Variants in KCNB2 observed in about 807,000 individuals in gnomAD.
The protein encoded by KCNB2 is delayed rectifier potassium channel protein.
KCNB2 carries 15 observed loss-of-function variants against 61.5 expected under a neutral mutation model. That is an observed-to-expected ratio of 0.24 (90% CI 0.16 to 0.38). KCNB2 has a LOEUF of 0.38. KCNB2 is among the 10% of genes least tolerant of loss of function. KCNB2 has a pLI of 1.00. For synonymous variants in KCNB2, 457 were observed against 446.0 expected (o/e 1.02, Z -0.31); for missense variants, 828 against 1,125.2 (o/e 0.74, Z 3.78).
chr8:72,823,960 C>T (rs964429782), intron 2 of KCNB2, among the ~76,000 whole-genome samples: 5 of 152,112 alleles, frequency 3.3e-5, no homozygotes, highest in Admixed American at 1.3e-4. Flanking sequence ...CTGGTATACC[C>T]AACAAGCATG....
At chr8:72,753,756 G>A (rs1169474707) in intron 2 of KCNB2, among the ~76,000 whole-genome samples, 1 of 152,156 alleles carries the variant, frequency 6.6e-6, no homozygotes, top group African/African-American at 2.4e-5. Flanking sequence ...CTGCAGAATA[G>A]CAATCATGAT....
intron 1 of KCNB2, among the ~76,000 whole-genome samples, chr8:72,566,250 A>G (rs1806623630): frequency 6.6e-6 from 1 of 152,220 alleles, no homozygotes; most frequent in South Asian, 2.1e-4. Flanking sequence ...GACTTCAAAA[A>G]TAAAATTCCA....
chr8:72,867,081 TAGG>T (rs1805532679), intron 2 of KCNB2, among the ~76,000 whole-genome samples: 1 of 152,172 alleles, frequency 6.6e-6, no homozygotes, highest in Non-Finnish European at 1.5e-5. Flanking sequence ...TGGCATATAG[TAGG>T]AGTTTAATAA....
chr8:72,599,958 G>A lies in KCNB2; in HGVS notation c.579+31645G>A, dbSNP rs535921925. Among the ~76,000 whole-genome samples, 254 of 152,308 alleles carry A rather than the reference G, an allele frequency of 1.7e-3. 2 individuals are homozygous for A. The highest frequency in any genetic ancestry group is 5.9e-3 in the African/African-American group (245 of 41,562). ...AAAAGAAACAACAGATGCTGGAGAG[G>A]ATGTGGAGAAATAGGAACACTTTTA... On this transcript the variant is annotated intron_variant, in intron 2 of 2. Transcript: ENST00000523207.
At chr8:72,600,471 ATTAGG>A (rs1807278420) in intron 2 of KCNB2, among the ~76,000 whole-genome samples, 1 of 152,116 alleles carries the variant, frequency 6.6e-6, no homozygotes, top group African/African-American at 2.4e-5. Flanking sequence ...GAGGGATAGC[ATTAGG>A]AGATATACCT....
intron 2 of KCNB2, among the ~76,000 whole-genome samples, chr8:72,676,312 T>C (rs1408571665): frequency 6.6e-6 from 1 of 152,122 alleles, no homozygotes; most frequent in South Asian, 2.1e-4. Context: ...TTACTATGGA[T>C]AATGAAATTG....
chr8:72,628,947 G>T (rs1478527926), intron 2 of KCNB2, among the ~76,000 whole-genome samples: 6 of 152,142 alleles, frequency 3.9e-5, no homozygotes, highest in Non-Finnish European at 2.9e-5. Context: ...TGCAGCCCGA[G>T]AATTTATGAA....
At chr8:72,642,908 C>T (rs1245227321) in intron 2 of KCNB2, among the ~76,000 whole-genome samples, 1 of 152,042 alleles carries the variant, frequency 6.6e-6, no homozygotes, top group East Asian at 1.9e-4. Flanking sequence ...GGACTTGAAA[C>T]AAGAATTAAA....
intron 2 of KCNB2, among the ~76,000 whole-genome samples, chr8:72,653,340 C>T (rs1466435248): frequency 6.6e-6 from 1 of 152,076 alleles, no homozygotes; most frequent in Non-Finnish European, 1.5e-5. Context: ...TGTTCCTTTA[C>T]TTTATCCCAG....
chr8:72,641,501 G>A (rs1354620634), intron 2 of KCNB2, among the ~76,000 whole-genome samples: 1 of 151,940 alleles, frequency 6.6e-6, no homozygotes, highest in African/African-American at 2.4e-5. Context: ...AAGGCTTCCA[G>A]TCCTTTTAGC....
chr8:72,820,272 A>G (rs192147985), intron 2 of KCNB2, among the ~76,000 whole-genome samples: 23 of 152,330 alleles, frequency 1.5e-4, no homozygotes, highest in African/African-American at 5.3e-4. Context: ...GTACTGGATC[A>G]CATACCTCTT....
intron 2 of KCNB2, among the ~76,000 whole-genome samples, chr8:72,678,447 T>G (rs1451249188): frequency 6.7e-6 from 1 of 148,802 alleles, no homozygotes; most frequent in Non-Finnish European, 1.5e-5. Flanking sequence ...CCTCTTTGCT[T>G]CCTCCCCACC....
At chr8:72,835,577 C>G (rs1358370876) in intron 2 of KCNB2, among the ~76,000 whole-genome samples, 1 of 152,152 alleles carries the variant, frequency 6.6e-6, no homozygotes, top group Non-Finnish European at 1.5e-5. Context: ...TAAAAATCTG[C>G]ACTTATTCTG....
At chr8:72,804,065 G>A (rs1303234077) in intron 2 of KCNB2, among the ~76,000 whole-genome samples, 2 of 152,190 alleles carry the variant, frequency 1.3e-5, no homozygotes, top group East Asian at 3.9e-4. Context: ...GGGTCTGCTT[G>A]TGAGGACTTG....
At chr8:72,723,496 C>CAT (rs893372897) in intron 2 of KCNB2, among the ~76,000 whole-genome samples, 2 of 152,190 alleles carry the variant, frequency 1.3e-5, no homozygotes, top group African/African-American at 2.4e-5. Context: ...TGATTGTCCT[C>CAT]ATGGTCTCCC....
intron 2 of KCNB2, among the ~76,000 whole-genome samples, chr8:72,766,782 T>C (rs1469792129): frequency 6.6e-6 from 1 of 152,040 alleles, no homozygotes; most frequent in Non-Finnish European, 1.5e-5. Flanking sequence ...CTATAAGGAG[T>C]ATATAAAGGA....
intron 2 of KCNB2, among the ~76,000 whole-genome samples, chr8:72,838,380 G>C (rs1809819213): frequency 6.6e-6 from 1 of 152,134 alleles, no homozygotes; most frequent in South Asian, 2.1e-4. Context: ...TTCTGTCCTT[G>C]TGATAGTTTG....
chr8:72,588,253 T>G (rs1807031800), intron 2 of KCNB2, among the ~76,000 whole-genome samples: 2 of 147,914 alleles, frequency 1.4e-5, no homozygotes, highest in African/African-American at 4.9e-5. Flanking sequence ...AGTTTTGCAC[T>G]TGTTGCCCAG....
chr8:72,683,452 G>A (rs1423939505), intron 2 of KCNB2, among the ~76,000 whole-genome samples: 4 of 152,256 alleles, frequency 2.6e-5, no homozygotes, highest in East Asian at 3.9e-4. Context: ...TTAAAGAATC[G>A]AAAGAAGAAC....
Sources: gnomAD v4.1 joint callset for allele counts (sites outside exome capture counted in the v4.1 genomes callset) on GRCh38, gnomAD v4.1.1 for gene constraint, MANE v1.5 for transcripts, NCBI Gene and HGNC (gene_info 2026-07-23, HGNC 2026-07-21) for gene names.